Variants in OSBPL10 observed in about 807,000 individuals in gnomAD.
The protein encoded by OSBPL10 is oxysterol-binding protein-related protein 10.
In OSBPL10, 49 loss-of-function variants were observed where a neutral mutation model predicts 81.7. The ratio of observed to expected loss-of-function variants is 0.60; its 90% CI spans 0.48 to 0.76. OSBPL10 has a LOEUF of 0.76. Ranked by LOEUF, OSBPL10 falls within the 30% of genes least tolerant of loss-of-function variation. The pLI is 0.00. For missense variants in OSBPL10, 923 were observed against 987.8 expected, an observed-to-expected ratio of 0.93 and a Z score of 0.88; for synonymous variants, 419 against 383.6, an observed-to-expected ratio of 1.09 and a Z score of -1.08.
chr3:31,779,711 A>G (rs1261222558), intron 4 of OSBPL10, among the ~76,000 whole-genome samples: 1 of 152,212 alleles, frequency 6.6e-6, no homozygotes. Flanking sequence ...GACTTAGCAA[A>G]TATTTACAGA....
chr3:31,943,562 T>G (rs571140777), intron 1 of OSBPL10, among the ~76,000 whole-genome samples: 3 of 152,206 alleles, frequency 2.0e-5, no homozygotes, highest in Non-Finnish European at 4.4e-5. Context: ...CCTTAAAATC[T>G]TACTGTCTAG....
intron 4 of OSBPL10, among the ~76,000 whole-genome samples, chr3:31,820,840 A>G (rs1368292730): frequency 6.6e-6 from 1 of 152,160 alleles, no homozygotes; most frequent in Non-Finnish European, 1.5e-5. Flanking sequence ...CCTAATCTAT[A>G]GAGAAGTATC....
intron 8 of OSBPL10, among the ~76,000 whole-genome samples, chr3:31,681,175 T>C (rs1202699378): frequency 6.6e-6 from 1 of 152,164 alleles, no homozygotes; most frequent in Non-Finnish European, 1.5e-5. Context: ...AACTTCTTGA[T>C]CCTGATTGAT....
intron 2 of OSBPL10, among the ~76,000 whole-genome samples, chr3:31,986,746 C>A (rs1022017011): frequency 3.3e-5 from 5 of 152,104 alleles, no homozygotes; most frequent in African/African-American, 1.2e-4. Context: ...TGCAGTAGCT[C>A]ATGCATATAA....
At chr3:31,877,577 G>GAA (rs34135743) in intron 2 of OSBPL10, among the ~76,000 whole-genome samples, 131 of 145,286 alleles carry the variant, frequency 9.0e-4, no homozygotes, top group African/African-American at 3.3e-3. Context: ...TGTTGACTAT[G>GAA]AAAAAAAAAA....
intron 1 of OSBPL10, among the ~76,000 whole-genome samples, chr3:32,052,432 G>A (rs1032020902): frequency 6.6e-6 from 1 of 152,006 alleles, no homozygotes; most frequent in Non-Finnish European, 1.5e-5. Context: ...AATACCAGTC[G>A]ACCCAGCAAT....
intron 2 of OSBPL10, chr3:31,989,290 A>G (rs1698988570): frequency 1.2e-6 from 2 of 1,614,102 alleles, no homozygotes; most frequent in Admixed American, 1.7e-5. Flanking sequence ...CAAATGCATG[A>G]TGAAGAAGTT....
intron 3 of OSBPL10, among the ~76,000 whole-genome samples, chr3:31,842,091 A>C (rs1038715965): frequency 6.6e-6 from 1 of 152,212 alleles, no homozygotes; most frequent in African/African-American, 2.4e-5. Context: ...TGATGCAGAA[A>C]CTCGAGCAGC....
intron 3 of OSBPL10, among the ~76,000 whole-genome samples, chr3:31,851,741 A>G (rs1700772424): frequency 6.6e-6 from 1 of 152,224 alleles, no homozygotes. Flanking sequence ...TTTGTGCAGT[A>G]TCCTGGCAAA....
intron 1 of OSBPL10, among the ~76,000 whole-genome samples, chr3:31,911,372 G>A (rs1696572584): frequency 6.6e-6 from 1 of 152,124 alleles, no homozygotes; most frequent in Non-Finnish European, 1.5e-5. Context: ...CTCTCATGGG[G>A]GTGGAGGAGT....
intron 4 of OSBPL10, among the ~76,000 whole-genome samples, chr3:31,783,146 T>TATATATACACACAC (rs1485968747): frequency 8.0e-5 from 9 of 113,006 alleles, no homozygotes; most frequent in African/African-American, 3.5e-4. Context: ...TATATATATA[T>TATATATACACACAC]ACACACACAC....
chr3:31,985,537 G>A (rs1039523872), upstream of OSBPL10, among the ~76,000 whole-genome samples: 8 of 152,172 alleles, frequency 5.3e-5, no homozygotes, highest in Admixed American at 5.2e-4. Flanking sequence ...GGGCTGGTCT[G>A]GAGTTTCTAG....
At chr3:32,012,490 G>T (rs928968749) in intron 2 of OSBPL10, among the ~76,000 whole-genome samples, 3 of 152,198 alleles carry the variant, frequency 2.0e-5, no homozygotes, top group African/African-American at 4.8e-5. Context: ...GCAAAAACAT[G>T]CCAAATTGTA....
chr3:32,067,514 G>T (rs60568934), intron 1 of OSBPL10, among the ~76,000 whole-genome samples: 8,474 of 152,184 alleles, frequency 0.056, 667 homozygotes, highest in East Asian at 0.4. Context: ...CCTGTGACCT[G>T]CACATATACA....
intron 1 of OSBPL10, among the ~76,000 whole-genome samples, chr3:31,979,042 C>T (rs1182048605): frequency 1.3e-5 from 2 of 152,164 alleles, no homozygotes; most frequent in African/African-American, 4.8e-5. Context: ...GCCTCATAAT[C>T]TACTTGAAGA....
chr3:31,858,021 G>A (rs1317007520), intron 3 of OSBPL10, among the ~76,000 whole-genome samples: 1 of 149,910 alleles, frequency 6.7e-6, no homozygotes, highest in Non-Finnish European at 1.5e-5. Context: ...TTTGAGACAA[G>A]GTCTCGTTCT....
intron 1 of OSBPL10, among the ~76,000 whole-genome samples, chr3:31,908,285 G>A (rs1217218551): frequency 6.6e-6 from 1 of 152,156 alleles, no homozygotes; most frequent in African/African-American, 2.4e-5. Flanking sequence ...AGGGCTCTGA[G>A]CAAAGACATG....
At chr3:32,058,540 T>C (rs1182149618) in intron 1 of OSBPL10, among the ~76,000 whole-genome samples, 1 of 152,206 alleles carries the variant, frequency 6.6e-6, no homozygotes, top group Non-Finnish European at 1.5e-5. Flanking sequence ...TTGTCCAGGC[T>C]TGTCTCGAAC....
intron 1 of OSBPL10, among the ~76,000 whole-genome samples, chr3:31,932,277 C>T (rs1697271020): frequency 6.6e-6 from 1 of 152,126 alleles, no homozygotes; most frequent in Admixed American, 6.6e-5. Context: ...GGTCTCCTCA[C>T]CTCCACCCGC....
Sources: gnomAD v4.1 joint callset for allele counts (sites outside exome capture counted in the v4.1 genomes callset) on GRCh38, gnomAD v4.1.1 for gene constraint, MANE v1.5 for transcripts, NCBI Gene and HGNC (gene_info 2026-07-23, HGNC 2026-07-21) for gene names.